The following DLG2 variants were observed in gnomAD, a reference collection of about 807,000 sequenced individuals.
The protein encoded by DLG2 is discs large MAGUK scaffold protein 2, also known as disks large homolog 2.
Under a neutral mutation model 132.5 loss-of-function variants are expected in DLG2, and 45 were observed. The observed-to-expected ratio is 0.34, with a 90% CI of 0.27 to 0.44. DLG2 has a LOEUF of 0.44. DLG2 is among the 20% of genes least tolerant of loss of function. DLG2 has a pLI of 1.00. For missense variants in DLG2, 1,045 were observed against 1,196.9 expected, an observed-to-expected ratio of 0.87 and a Z score of 1.87; for synonymous variants, 424 against 419.6, an observed-to-expected ratio of 1.01 and a Z score of -0.13.
intron 3 of DLG2, among the ~76,000 whole-genome samples, chr11:85,567,067 T>C (rs1280683867): frequency 6.6e-6 from 1 of 152,228 alleles, no homozygotes; most frequent in Non-Finnish European, 1.5e-5. Context: ...CTGTCTTGAT[T>C]ACTATAGCCT....
intron 18 of DLG2, among the ~76,000 whole-genome samples, chr11:83,687,827 T>C (rs1260371503): frequency 6.6e-6 from 1 of 151,748 alleles, no homozygotes; most frequent in African/African-American, 2.4e-5. Context: ...CCATCTCCAC[T>C]AAAACAAACA....
At chr11:84,234,786 C>T (rs1402332249) in intron 8 of DLG2, among the ~76,000 whole-genome samples, 1 of 152,156 alleles carries the variant, frequency 6.6e-6, no homozygotes, top group East Asian at 1.9e-4. Flanking sequence ...AGAGCAGGCC[C>T]TGAAAGAAAT....
At chr11:83,851,488 G>A (rs536736734) in intron 16 of DLG2, among the ~76,000 whole-genome samples, 1 of 151,972 alleles carries the variant, frequency 6.6e-6, no homozygotes, top group African/African-American at 2.4e-5. Flanking sequence ...TTAGCTGGGT[G>A]TGGTGGCAGG....
chr11:85,376,544 T>C (rs947651728), intron 3 of DLG2, among the ~76,000 whole-genome samples: 1 of 152,168 alleles, frequency 6.6e-6, no homozygotes, highest in African/African-American at 2.4e-5. Context: ...CAGATGTTCT[T>C]TCAGTATAGT....
chr11:84,702,545 G>C (rs1235665600), intron 6 of DLG2, among the ~76,000 whole-genome samples: 1 of 151,604 alleles, frequency 6.6e-6, no homozygotes, highest in African/African-American at 2.4e-5. Context: ...ACATTAATTA[G>C]TCACTAAGCC....
intron 6 of DLG2, among the ~76,000 whole-genome samples, chr11:84,998,239 G>A (rs1038625386): frequency 1.4e-4 from 22 of 152,016 alleles, no homozygotes; most frequent in East Asian, 1.2e-3. Flanking sequence ...TAATCCCCAG[G>A]TGTCAAGGGC....
intron 4 of DLG2, among the ~76,000 whole-genome samples, chr11:85,166,740 A>C (rs2078480453): frequency 6.6e-6 from 1 of 152,186 alleles, no homozygotes; most frequent in South Asian, 2.1e-4. Context: ...GTTTATTACC[A>C]TCTTGACATC....
chr11:85,556,685 T>A (rs1424339552), intron 3 of DLG2, among the ~76,000 whole-genome samples: 1 of 151,892 alleles, frequency 6.6e-6, no homozygotes, highest in Non-Finnish European at 1.5e-5. Context: ...TGGCAGCAGA[T>A]GTAATGAATT....
intron 6 of DLG2, among the ~76,000 whole-genome samples, chr11:84,967,423 G>A (rs1397447138): frequency 1.3e-5 from 2 of 152,062 alleles, no homozygotes; most frequent in Admixed American, 1.3e-4. Context: ...ATGAATGCAA[G>A]CTGTTCTTTG....
chr11:83,671,644 A>C (rs559321438), intron 18 of DLG2, among the ~76,000 whole-genome samples: 34 of 152,358 alleles, frequency 2.2e-4, no homozygotes, highest in Admixed American at 5.2e-4. Context: ...ATTAATCAAT[A>C]AATAAATAAT....
At chr11:84,507,701 A>G (rs1314320935) in intron 7 of DLG2, among the ~76,000 whole-genome samples, 1 of 152,230 alleles carries the variant, frequency 6.6e-6, no homozygotes, top group African/African-American at 2.4e-5. Context: ...GATTTTATTC[A>G]AAGTTTTTTC....
At chr11:85,496,562 C>G (rs767556549) in intron 3 of DLG2, among the ~76,000 whole-genome samples, 23 of 152,156 alleles carry the variant, frequency 1.5e-4, no homozygotes, top group Non-Finnish European at 2.6e-4. Context: ...TCTGAAAAGA[C>G]CAGTGGTTCT....
chr11:84,612,610 T>C lies in DLG2; in HGVS notation c.358-77879A>G, dbSNP rs914433507. Reference sequence around the variant, plus strand: ...ATACATTAAAGCTAGAGTGGTAGTTTAATTTGTGTGGTAAGACTAAAGGTA... The same window carrying C: ...ATACATTAAAGCTAGAGTGGTAGTTCAATTTGTGTGGTAAGACTAAAGGTA... On this transcript the variant is annotated intron_variant, in intron 6 of 27. Transcript: ENST00000376104. Among the ~76,000 whole-genome samples the C allele has an allele frequency of 6.6e-5, 10 of 152,290 alleles. 1 individual carries two copies. The highest frequency in any genetic ancestry group is 2.0e-4 in the Admixed American group (3 of 15,276).
At chr11:83,594,021 T>TA (rs1196309038) in intron 19 of DLG2, among the ~76,000 whole-genome samples, 5 of 152,042 alleles carry the variant, frequency 3.3e-5, no homozygotes, top group Non-Finnish European at 7.4e-5. Flanking sequence ...AAATGGGAAG[T>TA]AAAAAAATAC....
chr11:84,297,296 T>C (rs2098103973), intron 7 of DLG2, among the ~76,000 whole-genome samples: 1 of 152,176 alleles, frequency 6.6e-6, no homozygotes, highest in South Asian at 2.1e-4. Flanking sequence ...TCTAGGAACT[T>C]ACTAGATGAG....
At chr11:84,648,801 C>A (rs2099678068) in intron 6 of DLG2, among the ~76,000 whole-genome samples, 1 of 151,996 alleles carries the variant, frequency 6.6e-6, no homozygotes, top group South Asian at 2.1e-4. Flanking sequence ...ATCTCACACA[C>A]ACAGACACAC....
chr11:83,801,015 C>T (rs1422123917), intron 17 of DLG2, among the ~76,000 whole-genome samples: 1 of 152,158 alleles, frequency 6.6e-6, no homozygotes, highest in Admixed American at 6.5e-5. Flanking sequence ...TCAAACTCAT[C>T]GTGCTCAAAA....
intron 7 of DLG2, among the ~76,000 whole-genome samples, chr11:84,312,250 T>C (rs1269059975): frequency 2.0e-5 from 3 of 152,124 alleles, no homozygotes; most frequent in African/African-American, 7.2e-5. Flanking sequence ...GGCGGGCAGA[T>C]CACAGGTCAG....
intron 11 of DLG2, among the ~76,000 whole-genome samples, chr11:83,985,977 A>G (rs995351075): frequency 6.6e-6 from 1 of 152,062 alleles, no homozygotes; most frequent in African/African-American, 2.4e-5. Context: ...TCAACAGTGT[A>G]AAAGCATTCC....
Sources: allele counts gnomAD v4.1 joint callset (sites outside exome capture counted in the v4.1 genomes callset), GRCh38; gene constraint gnomAD v4.1.1; transcripts MANE v1.5; gene names NCBI Gene and HGNC (gene_info 2026-07-23, HGNC 2026-07-21).